The following FN1 variants were observed in gnomAD, a reference collection of about 807,000 sequenced individuals.
FN1 encodes the protein fibronectin.
In FN1, 106 loss-of-function variants were observed where a neutral mutation model predicts 297.3. The observed-to-expected ratio is 0.36, with a 90% CI of 0.30 to 0.42. The LOEUF is 0.42. Ranked by LOEUF, FN1 falls within the 10% of genes least tolerant of loss-of-function variation. The probability of loss-of-function intolerance (pLI) is 1.00; values close to 1 mark genes in which losing one functional copy is unlikely to be tolerated. For synonymous variants in FN1, 1,149 were observed against 1,152.6 expected (o/e 1.00, Z 0.06); for missense variants, 2,690 against 3,124.9 (o/e 0.86, Z 3.32).
chr2:215,404,289 A>AT, intron 20 of FN1, 100 bp downstream of exon 20: 2 of 1,269,526 alleles, frequency 1.6e-6, no homozygotes, highest in South Asian at 1.3e-5. Context: ...TTATGTACTA[A>AT]TTTTTTAATG....
chr2:215,385,781 T>C (rs1344673340), intron 28 of FN1, among the ~76,000 whole-genome samples: 828 of 67,694 alleles, frequency 0.012, 8 homozygotes, highest in African/African-American at 0.02. Flanking sequence ...TTTCCACCTT[T>C]TTTTTTTTTT....
intron 40 of FN1, among the ~76,000 whole-genome samples, chr2:215,371,654 G>C (rs1366342286): frequency 6.9e-6 from 1 of 145,216 alleles, no homozygotes; most frequent in East Asian, 2.0e-4. Context: ...TCTTCTAAGA[G>C]GTTCTAAAAG....
Position 215,372,283 on chromosome 2 carries a change from C to A in FN1, c.6340G>T (p.Val2114Phe). The part of the protein sequence containing the change: ...VPSTVQKTPF[V>F]THPGYDTGNG... ...CCAGTGTCATACCCAGGGTGGGTGACGAAAGGGGTCTTTTGAACTGTGGAA... is the reference window on the plus strand; with the variant it reads ...CCAGTGTCATACCCAGGGTGGGTGAAGAAAGGGGTCTTTTGAACTGTGGAA... Residue 2114 changes from valine to phenylalanine, a missense_variant, in exon 40 of 46, where the codon GTC becomes TTC. Around this residue, in one of 3 missense-constraint regions of FN1, gnomAD observed 1,743 missense variants for 1,945.2 expected, o/e 0.90. Coordinates refer to ENST00000354785, the MANE Select transcript of FN1 (RefSeq NM_212482.4). The A allele has an allele frequency of 1.2e-6, 2 of 1,614,092 alleles. No individual in the cohort carries two copies. The highest frequency in any genetic ancestry group is 1.7e-6 in the Non-Finnish European group (2 of 1,180,016).
chr2:215,381,472 GT>G, intron 32 of FN1: 3 of 309,940 alleles, frequency 9.7e-6, no homozygotes, highest in South Asian at 8.7e-5. Context: ...TGTTATAATT[GT>G]TTTGTTTTGT....
intron 6 of FN1, among the ~76,000 whole-genome samples, chr2:215,425,892 C>T (rs2065254355): frequency 6.6e-6 from 1 of 151,812 alleles, no homozygotes; most frequent in African/African-American, 2.4e-5. Flanking sequence ...TTCTCAATCA[C>T]AGACATCATC....
intron 20 of FN1, 91 bp downstream of exon 20, chr2:215,404,298 T>TG (rs1559485569): frequency 9.5e-6 from 12 of 1,258,878 alleles, no homozygotes; most frequent in Admixed American, 1.9e-5. Context: ...AATTTTTTAA[T>TG]GTTTTTTTTG....
chr2:215,391,831 A>G lies in FN1; in HGVS notation c.4070-17T>C, dbSNP rs201834394. The stretch of plus-strand genomic sequence containing the variant: ...GAGGAACAGCTGGTTTCGAACAAGA[A>G]GGAAGACTCAGTTAATGTAATTTTA... On this transcript the variant is annotated splice_polypyrimidine_tract_variant and intron_variant, in intron 25 of 45. Transcript: ENST00000354785. 135 of 1,611,968 alleles carry G rather than the reference A, an allele frequency of 8.4e-5. No homozygotes were observed. In the East Asian group the frequency reaches 3.0e-3, roughly 36 times the overall value.
At chr2:215,422,675 G>C (rs2064616570) in intron 9 of FN1, among the ~76,000 whole-genome samples, 1 of 152,118 alleles carries the variant, frequency 6.6e-6, no homozygotes, top group African/African-American at 2.4e-5. Context: ...TTTGTTGAAA[G>C]AAATAAAAGT....
chr2:215,378,080 T>A, intron 35 of FN1, 95 bp downstream of exon 35: 1 of 849,832 alleles, frequency 1.2e-6, no homozygotes, highest in South Asian at 1.3e-5. Flanking sequence ...AGTGCTTGGA[T>A]TTTAGACATG....
rs2061761573 is a variant in FN1 at position 215,406,239 on chromosome 2, G to C, written c.2985C>G (p.Thr995=). The change falls in exon 19 of 46, where the codon ACC becomes ACG. Residue 995 remains threonine (T), a splice_region_variant and synonymous_variant. Transcript: ENST00000354785. ...AGATAGAGATAGGAGAAGACATACT[G>C]GTTGTCTGTTGAGCAGTCAGAGGCT... The part of the protein sequence containing the change: ...ESKPLTAQQT[T]KLDAPTNLQF... 3.7e-6 allele frequency: 6 copies of C among 1,613,972 alleles called. No individual in the cohort carries two copies. Among genetic ancestry groups the C allele is most frequent in the East Asian group, 2.2e-5 (1 of 44,878 alleles).
rs762465255 is a variant in FN1, at chr2:215,383,457, C to G, written c.4921G>C (p.Val1641Leu). Residue 1641 changes from valine (V) to leucine (L), a missense_variant, in exon 31 of 46, where the codon GTG (valine) becomes CTG (leucine). Around this residue, in one of 3 missense-constraint regions of FN1, gnomAD observed 1,743 missense variants for 1,945.2 expected, o/e 0.90. Coordinates refer to ENST00000354785, the MANE Select transcript of FN1 (RefSeq NM_212482.4). ...TEIDKPSQMQ[V>L]TDVQDNSISV... ...ATGCTGTTGTCCTGAACATCGGTCA[C>G]TTGCATCTGGGATGGTTTGTCAATT... 1.9e-6 allele frequency: 3 copies of G among 1,614,034 alleles called. No homozygotes were observed. The highest frequency in any genetic ancestry group is 2.7e-5 in the African/African-American group (2 of 74,914).
chr2:215,382,992 C>T (rs1297908198), intron 31 of FN1, among the ~76,000 whole-genome samples: 2 of 151,268 alleles, frequency 1.3e-5, no homozygotes, highest in Non-Finnish European at 1.5e-5. Flanking sequence ...ATATGAGATG[C>T]AGATTACTCT....
At chr2:215,423,201 C>CAA in intron 9 of FN1, 149 bp downstream of exon 9, 1 of 710,406 alleles carries the variant, frequency 1.4e-6, no homozygotes, top group Non-Finnish European at 2.5e-6. Context: ...CACACACACA[C>CAA]ACACACACAC....
chr2:215,434,434 ATCTT>A (rs2067096152), intron 2 of FN1, among the ~76,000 whole-genome samples: 1 of 152,196 alleles, frequency 6.6e-6, no homozygotes, highest in Non-Finnish European at 1.5e-5. Context: ...GACACACAAA[ATCTT>A]TCATTTTTCT....
At chr2:215,392,218 A>T (rs2059788182) in intron 25 of FN1, 1 of 225,398 alleles carries the variant, frequency 4.4e-6, no homozygotes, top group African/African-American at 2.3e-5. Flanking sequence ...AGAGGGTCCT[A>T]AACTTCCCCC....
At chr2:215,430,634 G>A (rs1230409235) in intron 5 of FN1, 81 bp downstream of exon 5, 1 of 1,519,746 alleles carries the variant, frequency 6.6e-7, no homozygotes, top group Non-Finnish European at 9.1e-7. Flanking sequence ...TGTGTTCTGA[G>A]TAACATAGTA....
At chr2:215,388,096 G>T (rs2059250876) in intron 27 of FN1, 116 bp downstream of exon 27, 2 of 776,930 alleles carry the variant, frequency 2.6e-6, no homozygotes, top group South Asian at 1.4e-5. Flanking sequence ...GATGACAAAG[G>T]TACACACACC....
chr2:215,413,621 G>A (rs111577006), intron 13 of FN1, among the ~76,000 whole-genome samples: 4 of 152,098 alleles, frequency 2.6e-5, no homozygotes, highest in East Asian at 1.9e-4. Flanking sequence ...AGCCAGCTAC[G>A]CAGTTGTTGC....
At chr2:215,401,202 G>GA (rs1251124627) in intron 20 of FN1, among the ~76,000 whole-genome samples, 2 of 22,556 alleles carry the variant, frequency 8.9e-5, no homozygotes, top group Non-Finnish European at 1.7e-4. Flanking sequence ...AGAAAGAAAA[G>GA]AAAGAAAGAA....
Sources: allele counts gnomAD v4.1 joint callset (sites outside exome capture counted in the v4.1 genomes callset), GRCh38; gene constraint gnomAD v4.1.1; regional missense constraint gnomAD v4.1.1; transcripts MANE v1.5; gene names NCBI Gene and HGNC (gene_info 2026-07-23, HGNC 2026-07-21).